The following LYAR variants were observed in gnomAD, a reference collection of about 807,000 sequenced individuals.
The protein encoded by LYAR is Ly1 antibody reactive, also known as cell growth-regulating nucleolar protein.
A neutral mutation model predicts 45.2 loss-of-function variants in LYAR; 37 were observed. The observed-to-expected ratio is 0.82, with a 90% CI of 0.63 to 1.08. The LOEUF is 1.08. Ranked by LOEUF, LYAR falls within the 50% of genes least tolerant of loss-of-function variation. The pLI, the probability that LYAR is intolerant of heterozygous loss-of-function variation, is 0.00. For missense variants in LYAR, 493 were observed against 451.0 expected, an observed-to-expected ratio of 1.09 and a Z score of -0.84; for synonymous variants, 176 against 155.1, an observed-to-expected ratio of 1.14 and a Z score of -1.00.
At chr4:4,284,238 C>G (rs560978974) in intron 2 of LYAR, among the ~76,000 whole-genome samples, 1 of 152,298 alleles carries the variant, frequency 6.6e-6, no homozygotes, top group African/African-American at 2.4e-5. Flanking sequence ...CTTAAACTCT[C>G]TCTCTGTATA....
intron 4 of LYAR, 51 bp downstream of exon 4, chr4:4,281,732 G>C (rs1278305754): frequency 7.3e-7 from 1 of 1,370,740 alleles, no homozygotes; most frequent in Admixed American, 1.7e-5. Flanking sequence ...GGCTTCCAAA[G>C]AAAGCGGAAG....
chr4:4,282,527 T>G (rs1039221363), intron 3 of LYAR, among the ~76,000 whole-genome samples: 7 of 152,020 alleles, frequency 4.6e-5, no homozygotes, highest in African/African-American at 1.7e-4. Context: ...GGTTAGCAGT[T>G]TCCAAAAAAA....
At chr4:4,269,216 TGAAGA>T (rs1208433311) in intron 8 of LYAR, among the ~76,000 whole-genome samples, 1 of 152,102 alleles carries the variant, frequency 6.6e-6, no homozygotes, top group East Asian at 1.9e-4. Flanking sequence ...GATCTGGAGT[TGAAGA>T]ACCCAGCAAC....
At chr4:4,281,708 C>G in intron 4 of LYAR, 75 bp downstream of exon 4, 1 of 1,067,330 alleles carries the variant, frequency 9.4e-7, no homozygotes, top group Non-Finnish European at 1.5e-6. Flanking sequence ...GACACATTTA[C>G]TCTTAGTCTC....
chr4:4,274,211 TG>T (rs1287266956), intron 7 of LYAR, among the ~76,000 whole-genome samples, 155 bp downstream of exon 7: 1 of 151,280 alleles, frequency 6.6e-6, no homozygotes, highest in Non-Finnish European at 1.5e-5. Context: ...CACTCCAGCC[TG>T]GGCAACAGAG....
intron 2 of LYAR, among the ~76,000 whole-genome samples, chr4:4,284,422 T>C (rs1255922930): frequency 2.0e-5 from 3 of 152,310 alleles, no homozygotes; most frequent in East Asian, 1.9e-4. Flanking sequence ...AATATTACTA[T>C]ATATCTACAA....
intron 8 of LYAR, among the ~76,000 whole-genome samples, chr4:4,271,232 T>G (rs1446852521): frequency 4.6e-5 from 7 of 152,180 alleles, no homozygotes; most frequent in African/African-American, 7.2e-5. Context: ...ACTGTTTTGA[T>G]TTTTAGATCC....
intron 6 of LYAR, among the ~76,000 whole-genome samples, chr4:4,276,478 G>T (rs1220131069): frequency 6.6e-6 from 1 of 151,718 alleles, no homozygotes; most frequent in Non-Finnish European, 1.5e-5. Context: ...GGAAGGTGGA[G>T]GTTGCAGTGA....
chr4:4,285,217 G>C (rs994120441), intron 2 of LYAR, among the ~76,000 whole-genome samples: 3 of 152,194 alleles, frequency 2.0e-5, no homozygotes, highest in African/African-American at 7.2e-5. Flanking sequence ...CTCACTATCA[G>C]TGTATGTTAG....
intron 8 of LYAR, among the ~76,000 whole-genome samples, chr4:4,270,133 G>C (rs1440559605): frequency 6.6e-6 from 1 of 151,980 alleles, no homozygotes; most frequent in African/African-American, 2.4e-5. Flanking sequence ...AGCTCAGGAA[G>C]TTGAGGCTGC....
chr4:4,279,654 C>T lies in LYAR; in HGVS notation c.333G>A (p.Lys111=), dbSNP rs1719319415. ...AGTCAATTCATACCTGAAATTTTGC[C>T]TTTTTCCTGGGAACGTTGTCAAAAG... ...ISAFDNVPRK[K]AKFQNWMKNS... The change falls in exon 5 of 10, where the codon AAG becomes AAA. Residue 111 remains lysine, a synonymous_variant. Transcript: ENST00000343470. 6.2e-7 allele frequency: 1 copy of T among 1,613,840 alleles called. No individual in the cohort carries two copies. Among genetic ancestry groups the T allele is most frequent in the Non-Finnish European group, 8.5e-7 (1 of 1,179,892 alleles).
chr4:4,271,081 CTGTTG>C (rs150938341), intron 8 of LYAR, among the ~76,000 whole-genome samples: 9,267 of 152,214 alleles, frequency 0.061, 319 homozygotes, highest in East Asian at 0.2. Context: ...TACAGCCACC[CTGTTG>C]TGTTATGAAA....
rs762006327 is a variant in LYAR, at chr4:4,283,654, C to T, written c.89G>A (p.Cys30Tyr). 6.2e-7 allele frequency: 1 copy of T among 1,613,026 alleles called. No individual in the cohort carries two copies. The highest frequency in any genetic ancestry group is 2.2e-5 in the East Asian group (1 of 44,890). ...KHVSVCRNCE[C>Y]LSCIDCGKDF... is the part of the protein sequence containing the mutation. The stretch of plus-strand genomic sequence containing the variant: ...TTTACCGCAGTCAATGCAAGAAAGG[C>T]ATTCACAGTTTCTGCAAACAGACAC... Residue 30 changes from cysteine (C) to tyrosine (Y), a missense_variant, in exon 3 of 10, where the codon TGC (cysteine) becomes TAC (tyrosine). Transcript: ENST00000343470.
At chr4:4,281,554 C>T (rs549501714) in intron 4 of LYAR, among the ~76,000 whole-genome samples, 1 of 152,262 alleles carries the variant, frequency 6.6e-6, no homozygotes, top group African/African-American at 2.4e-5. Flanking sequence ...CTCCTGACCT[C>T]GTGACTCGCC....
intron 8 of LYAR, among the ~76,000 whole-genome samples, chr4:4,270,268 T>A (rs1195432411): frequency 7.4e-5 from 9 of 121,960 alleles, no homozygotes; most frequent in Non-Finnish European, 9.9e-5. Context: ...TGTTGATTTG[T>A]AAAAAAAAAA....
At chr4:4,282,036 A>G in intron 3 of LYAR, 139 bp from the exon 4 acceptor site, 1 of 584,524 alleles carries the variant, frequency 1.7e-6, no homozygotes, top group Non-Finnish European at 3.1e-6. Flanking sequence ...CATCTATTTC[A>G]CTTATTATGT....
intron 4 of LYAR, among the ~76,000 whole-genome samples, chr4:4,280,292 C>G (rs980222466): frequency 5.9e-5 from 9 of 152,130 alleles, no homozygotes; most frequent in African/African-American, 1.9e-4. Flanking sequence ...GAAAAACATT[C>G]CGTACTCATG....
intron 6 of LYAR, among the ~76,000 whole-genome samples, chr4:4,278,299 T>C (rs1269494562): frequency 6.6e-6 from 1 of 152,158 alleles, no homozygotes; most frequent in Non-Finnish European, 1.5e-5. Context: ...GATAATTTGA[T>C]AAGAATGAAA....
chr4:4,279,303 G>T, intron 6 of LYAR, 144 bp downstream of exon 6: 1 of 613,382 alleles, frequency 1.6e-6, no homozygotes, highest in Non-Finnish European at 2.9e-6. Flanking sequence ...CTGCACTGCA[G>T]CCTGGGCAAC....
Sources: gnomAD v4.1 joint callset for allele counts (sites outside exome capture counted in the v4.1 genomes callset) on GRCh38, gnomAD v4.1.1 for gene constraint, MANE v1.5 for transcripts, NCBI Gene and HGNC (gene_info 2026-07-23, HGNC 2026-07-21) for gene names.